Variants in CCDC85C observed in about 807,000 individuals in gnomAD.
The protein encoded by CCDC85C is coiled-coil domain containing 85C, also known as coiled-coil domain-containing protein 85C.
In CCDC85C, 18 loss-of-function variants were observed where a neutral mutation model predicts 38.3. The observed-to-expected ratio is 0.47, with a 90% CI of 0.33 to 0.70. The LOEUF (loss-of-function observed/expected upper bound fraction) is 0.70. Among genes scored for constraint, CCDC85C ranks in the 30% least tolerant of loss-of-function variants. CCDC85C has a pLI of 0.03. For synonymous variants in CCDC85C, 264 were observed against 293.8 expected, an observed-to-expected ratio of 0.90 and a Z score of 1.04; for missense variants, 566 against 621.2, an observed-to-expected ratio of 0.91 and a Z score of 0.94.
At chr14:99,577,123 G>A (rs1163269830) in intron 1 of CCDC85C, among the ~76,000 whole-genome samples, 1 of 151,844 alleles carries the variant, frequency 6.6e-6, no homozygotes, top group East Asian at 2.0e-4. Flanking sequence ...AACATCCCTG[G>A]GCTCGTCTCC....
At chr14:99,528,669 G>T (rs1897435781) in intron 2 of CCDC85C, among the ~76,000 whole-genome samples, 1 of 152,224 alleles carries the variant, frequency 6.6e-6, no homozygotes, top group Non-Finnish European at 1.5e-5. Flanking sequence ...GAGGCCAGGT[G>T]GGGGATGCAC....
At position 99,516,360 on chromosome 14, in the gene CCDC85C, C is replaced by A. The variant is rs1030386540; in HGVS notation, c.1072-74G>T. 3.2e-5 allele frequency: 35 copies of A among 1,088,952 alleles called. No homozygotes were observed. In the East Asian group the frequency reaches 9.1e-4, roughly 28 times the overall value. The allele number at this position is 1,088,952 out of a possible 1,614,324, so 67.5% of individuals were successfully genotyped here. On this transcript the variant is annotated intron_variant, in intron 4 of 5. Coordinates refer to ENST00000380243, the MANE Select transcript of CCDC85C (RefSeq NM_001144995.2). This position sits in a 1 kb window ranked among gnomAD's most constrained non-coding sequence, Gnocchi z 5.5. ...TCGGGCAAGTCACCTGGCCCCTGAT[C>A]CTCAGCCTCCCCTGCTGCGAACCAA...
Position 99,576,963 on chromosome 14 carries a change from C to T in CCDC85C, c.793+26204G>A, listed in dbSNP as rs983308141. On this transcript the variant is annotated intron_variant, in intron 1 of 5. Transcript: ENST00000380243. The surrounding 1 kb of genome is among the most constrained non-coding windows in gnomAD (Gnocchi z 4.8). ...CTCGCCCCCAGGCTGCCTGGGGGCA[C>T]GGTGGACACCAGCGAATGCCCATGC... 2.0e-5 allele frequency among the ~76,000 whole-genome samples: 3 copies of T among 151,934 alleles called. No individual in the cohort carries two copies. The highest frequency in any genetic ancestry group is 2.9e-5 in the Non-Finnish European group (2 of 67,954).
At chr14:99,517,299 G>T in intron 3 of CCDC85C, 116 bp from the exon 4 acceptor site, 2 of 793,528 alleles carry the variant, frequency 2.5e-6, no homozygotes, top group Admixed American at 2.9e-5. Context: ...AGGAAAAGGG[G>T]ACCGGGGTGA....
intron 2 of CCDC85C, among the ~76,000 whole-genome samples, chr14:99,530,054 G>A (rs1897462851): frequency 1.3e-5 from 2 of 152,184 alleles, no homozygotes; most frequent in South Asian, 4.1e-4. Context: ...AGTGAGACTT[G>A]AACCAGGCCC....
chr14:99,557,126 C>T (rs1898027040), intron 1 of CCDC85C, among the ~76,000 whole-genome samples: 1 of 152,214 alleles, frequency 6.6e-6, no homozygotes, highest in African/African-American at 2.4e-5. Flanking sequence ...TTCTCAGATC[C>T]TCACAGTAAC....
Position 99,510,801 on chromosome 14 carries a change from C to T in CCDC85C, c.*4445G>A, listed in dbSNP as rs894761881. On this transcript the variant is annotated 3_prime_UTR_variant, in exon 6 of 6. Coordinates refer to ENST00000380243, the MANE Select transcript of CCDC85C (RefSeq NM_001144995.2). ...GAGATAACGTGAGCCTTTTTTCCCT[C>T]TTTGTTTTTTTAACAAGATTTTCTA... The T allele has an allele frequency of 4.2e-6, 6 of 1,412,330 alleles. No individual in the cohort carries two copies. Among genetic ancestry groups the T allele is most frequent in the East Asian group, 2.6e-5 (1 of 38,234 alleles). The allele number at this position is 1,412,330 out of a possible 1,614,324, so 87.5% of individuals were successfully genotyped here.
Position 99,545,585 on chromosome 14 carries a change from G to A in CCDC85C, c.794-9497C>T, listed in dbSNP as rs750005869. Among the ~76,000 whole-genome samples the A allele has an allele frequency of 2.6e-5, 4 of 151,918 alleles. No homozygotes were observed. Among genetic ancestry groups the A allele is most frequent in the African/African-American group, 4.8e-5 (2 of 41,310 alleles). On this transcript the variant is annotated intron_variant, in intron 1 of 5. Transcript: ENST00000380243. The surrounding 1 kb of genome is among the most constrained non-coding windows in gnomAD (Gnocchi z 4.7). The stretch of plus-strand genomic sequence containing the variant: ...TGTGTGAGACGGTGGTGCAGGTGTC[G>A]GCACTGTTAATGCCCATCACACTCC...
chr14:99,509,902 T>G lies in CCDC85C; in HGVS notation c.*5344A>C. The G allele has an allele frequency of 1.8e-6, 1 of 556,772 alleles. No individual in the cohort carries two copies. Among genetic ancestry groups the G allele is most frequent in the Non-Finnish European group, 3.2e-6 (1 of 315,066 alleles). 34.5% of individuals were successfully genotyped at this position (556,772 alleles called of 1,614,324 possible). A position where few individuals can be genotyped will look rare whatever the true frequency, so the allele number is the denominator to read the frequency against. On this transcript the variant is annotated 3_prime_UTR_variant, in exon 6 of 6. Coordinates refer to ENST00000380243, the MANE Select transcript of CCDC85C (RefSeq NM_001144995.2). ...GGCTTCGGGTGCTGCCGAGACTGCC[T>G]GTAGGTGGTGTGGTCAGGGCTGAGG...
chr14:99,511,802 G>A lies in CCDC85C; in HGVS notation c.*3444C>T, dbSNP rs3918131. On this transcript the variant is annotated 3_prime_UTR_variant, in exon 6 of 6. Transcript: ENST00000380243. ...ACTTTGAAGCCTTGCTGCGTAGAAC[G>A]CACACAGGAACCCGGGGGCTTGGAT... is the stretch of plus-strand genomic sequence containing the variant. 0.042 allele frequency: 6,344 copies of A among 152,680 alleles called. 242 individuals carry two copies. Among genetic ancestry groups the A allele is most frequent in the African/African-American group, 0.1 (4,158 of 41,558 alleles). 9.5% of individuals were successfully genotyped at this position (152,680 alleles called of 1,614,324 possible).
chr14:99,519,439 GGA>G (rs762415796), intron 3 of CCDC85C, among the ~76,000 whole-genome samples: 2 of 152,014 alleles, frequency 1.3e-5, no homozygotes, highest in Non-Finnish European at 2.9e-5. Flanking sequence ...TTACAGACAA[GGA>G]GAGTGAGGCT....
At chr14:99,591,687 G>A (rs972024181) in intron 1 of CCDC85C, among the ~76,000 whole-genome samples, 3 of 152,066 alleles carry the variant, frequency 2.0e-5, no homozygotes, top group African/African-American at 7.2e-5. Context: ...GGAGGTGGCA[G>A]GAAGCCCCGA....
Position 99,604,023 on chromosome 14 carries a change from C to A in CCDC85C, c.-64G>T, listed in dbSNP as rs1657771882. On this transcript the variant is annotated 5_prime_UTR_variant, in exon 1 of 6. Transcript: ENST00000380243. ...CGGCCGGCGCTTCCCCGCGCCGGGG[C>A]TCCGCTGGGCCGGTCCGCGCGCGGG... is the stretch of plus-strand genomic sequence containing the variant. 9.3e-7 allele frequency: 1 copy of A among 1,076,400 alleles called. No individual in the cohort carries two copies. The allele number at this position is 1,076,400 out of a possible 1,614,324, so 66.7% of individuals were successfully genotyped here.
In CCDC85C at chr14:99,507,834, G is replaced by T. The variant is rs1470936039; in HGVS notation, c.*7412C>A. 1 of 152,250 alleles carries T rather than the reference G, an allele frequency of 6.6e-6. No homozygotes were observed. Among genetic ancestry groups the T allele is most frequent in the African/African-American group, 2.4e-5 (1 of 41,446 alleles). 9.4% of individuals were successfully genotyped at this position (152,250 alleles called of 1,614,324 possible). On this transcript the variant is annotated 3_prime_UTR_variant, in exon 6 of 6. Coordinates refer to ENST00000380243, the MANE Select transcript of CCDC85C (RefSeq NM_001144995.2). ...AATTGTACAGAGAGTAAATGAAAGA[G>T]TGAAAAGTTCTCAACAAGTAGTACA...
intron 1 of CCDC85C, among the ~76,000 whole-genome samples, chr14:99,557,375 C>T (rs1377681101): frequency 2.0e-5 from 3 of 152,212 alleles, no homozygotes; most frequent in African/African-American, 7.2e-5. Context: ...TTAACAAGGC[C>T]AGCATCTGAG....
chr14:99,502,712 C>T lies in CCDC85C; in HGVS notation c.*12534G>A. 2 of 1,610,218 alleles carry T rather than the reference C, an allele frequency of 1.2e-6. No individual in the cohort carries two copies. Among genetic ancestry groups the T allele is most frequent in the Admixed American group, 1.7e-5 (1 of 60,010 alleles). ...TGTGTAAAATGTAATTGTTGGCTAT[C>T]ATTTAGACATCTGCCACCAAATCCT... On this transcript the variant is annotated 3_prime_UTR_variant, in exon 6 of 6. Coordinates refer to ENST00000380243, the MANE Select transcript of CCDC85C (RefSeq NM_001144995.2).
intron 1 of CCDC85C, among the ~76,000 whole-genome samples, chr14:99,601,412 C>G (rs1301100769): frequency 6.6e-6 from 1 of 152,148 alleles, no homozygotes; most frequent in Admixed American, 6.5e-5. Context: ...AGACTGGGGC[C>G]GCATCTCCTT....
intron 1 of CCDC85C, among the ~76,000 whole-genome samples, chr14:99,594,197 T>G (rs1243314866): frequency 6.6e-6 from 1 of 152,138 alleles, no homozygotes; most frequent in Non-Finnish European, 1.5e-5. Context: ...CATTCTGGAC[T>G]GGGAGAGAGA....
chr14:99,578,279 C>A (rs376892068), intron 1 of CCDC85C, among the ~76,000 whole-genome samples: 253 of 149,260 alleles, frequency 1.7e-3, no homozygotes, highest in African/African-American at 5.9e-3. Context: ...CCTCTCCACG[C>A]CCATACAGCC....
Sources: gnomAD v4.1 joint callset for allele counts (sites outside exome capture counted in the v4.1 genomes callset) on GRCh38, gnomAD v4.1.1 for gene constraint, Gnocchi (gnomAD v3.1) non-coding constraint, MANE v1.5 for transcripts, NCBI Gene and HGNC (gene_info 2026-07-23, HGNC 2026-07-21) for gene names.